Variants in TMEM135 observed in about 807,000 individuals in gnomAD.
The protein encoded by TMEM135 is transmembrane protein 135.
Under a neutral mutation model 60.3 loss-of-function variants are expected in TMEM135, and 30 were observed. The ratio of observed to expected loss-of-function variants is 0.50; its 90% CI spans 0.37 to 0.68. The LOEUF is 0.68. Among genes scored for constraint, TMEM135 ranks in the 30% least tolerant of loss-of-function variants. The pLI, the probability that TMEM135 is intolerant of heterozygous loss-of-function variation, is 0.00. For synonymous variants in TMEM135, 190 were observed against 186.7 expected (o/e 1.02, Z -0.14); for missense variants, 468 against 548.8 (o/e 0.85, Z 1.47).
intron 6 of TMEM135, among the ~76,000 whole-genome samples, chr11:87,252,661 C>G (rs983142174): frequency 2.6e-5 from 4 of 151,682 alleles, no homozygotes; most frequent in African/African-American, 2.4e-5. Flanking sequence ...ATCCCAGCTA[C>G]TTGGGTGGCT....
chr11:87,180,653 T>G (rs1939492026), intron 5 of TMEM135, among the ~76,000 whole-genome samples: 1 of 152,172 alleles, frequency 6.6e-6, no homozygotes, highest in Non-Finnish European at 1.5e-5. Flanking sequence ...AGATTGGCTT[T>G]TAGGTGACAC....
chr11:87,105,406 G>C (rs1016009043), intron 4 of TMEM135, among the ~76,000 whole-genome samples: 1 of 152,138 alleles, frequency 6.6e-6, no homozygotes, highest in Non-Finnish European at 1.5e-5. Context: ...GATGATCTGA[G>C]GTGGAACAGT....
Position 87,302,324 on chromosome 11 carries a change from A to G in TMEM135, c.580A>G (p.Thr194Ala), listed in dbSNP as rs147367412. ...CATTGTAGGGAAGGAAGAAATTCCC[A>G]CACATTCTTTTTCACCAGAGGCAGC... ...RFIVGKEEIP[T>A]HSFSPEAAYA... The change falls in exon 8 of 15, where the codon ACA becomes GCA. Residue 194 changes from threonine to alanine, a missense_variant. Coordinates refer to ENST00000305494, the MANE Select transcript of TMEM135 (RefSeq NM_022918.4). The G allele has an allele frequency of 3.0e-4, 479 of 1,613,658 alleles. No homozygotes were observed. Among genetic ancestry groups the G allele is most frequent in the Non-Finnish European group, 3.7e-4 (434 of 1,179,906 alleles).
intron 4 of TMEM135, among the ~76,000 whole-genome samples, chr11:87,102,682 A>G (rs994460649): frequency 3.5e-5 from 5 of 142,188 alleles, no homozygotes; most frequent in Non-Finnish European, 7.5e-5. Context: ...TTTGATATAT[A>G]TATGTGTGTG....
Position 87,149,883 on chromosome 11 carries a change from G to GT in TMEM135, c.397-7452dup, listed in dbSNP as rs563399116. Among the ~76,000 whole-genome samples, 55 of 152,268 alleles carry GT rather than the reference G, an allele frequency of 3.6e-4. No individual in the cohort carries two copies. In the East Asian group the frequency reaches 0.01, roughly 28 times the overall value. On this transcript the variant is annotated intron_variant, in intron 4 of 14. Coordinates refer to ENST00000305494, the MANE Select transcript of TMEM135 (RefSeq NM_022918.4). ...GACACTGTTGATTACTTCTATAATA[G>GT]TTTTTTCAAAATGTAATTAAATATT...
intron 6 of TMEM135, among the ~76,000 whole-genome samples, chr11:87,242,088 G>A (rs1160268536): frequency 6.6e-6 from 1 of 151,026 alleles, no homozygotes; most frequent in Non-Finnish European, 1.5e-5. Flanking sequence ...ACCTATGAGT[G>A]AGAACATGCG....
intron 6 of TMEM135, among the ~76,000 whole-genome samples, chr11:87,288,255 C>T (rs963389395): frequency 5.3e-5 from 8 of 152,074 alleles, no homozygotes; most frequent in African/African-American, 1.4e-4. Flanking sequence ...TTATGTATAT[C>T]GAATTGCTTC....
intron 4 of TMEM135, among the ~76,000 whole-genome samples, chr11:87,092,535 T>C (rs1022698212): frequency 6.6e-6 from 1 of 152,144 alleles, no homozygotes; most frequent in Non-Finnish European, 1.5e-5. Flanking sequence ...TTTAAAATAC[T>C]CCAGAAAATT....
chr11:87,102,366 G>A (rs1166180597), intron 4 of TMEM135, among the ~76,000 whole-genome samples: 1 of 152,140 alleles, frequency 6.6e-6, no homozygotes, highest in Non-Finnish European at 1.5e-5. Flanking sequence ...GAAAGGTTAT[G>A]GATGAACAGC....
intron 2 of TMEM135, among the ~76,000 whole-genome samples, chr11:87,069,921 C>G (rs1278454258): frequency 6.6e-6 from 1 of 151,894 alleles, no homozygotes; most frequent in Non-Finnish European, 1.5e-5. Flanking sequence ...CCTGTTATCT[C>G]AGCACTTTGG....
rs373182270 is a variant in TMEM135, at chr11:87,089,168, C to A, written c.363-2194C>A. Among the ~76,000 whole-genome samples the A allele has an allele frequency of 9.2e-5, 14 of 152,086 alleles. No homozygotes were observed. The East Asian group carries it at 1.7e-3, about 19-fold the overall frequency. On this transcript the variant is annotated intron_variant, in intron 3 of 14. Coordinates refer to ENST00000305494, the MANE Select transcript of TMEM135 (RefSeq NM_022918.4). ...CAAATACTACAAAATACAAAAAAAT[C>A]AAAAATTGGAAACACTTCTAGTCTC...
chr11:87,067,469 A>G (rs1216877129), intron 1 of TMEM135, among the ~76,000 whole-genome samples: 2 of 152,100 alleles, frequency 1.3e-5, no homozygotes, highest in African/African-American at 2.4e-5. Context: ...AGATTATTCA[A>G]CGTATGACCC....
intron 5 of TMEM135, among the ~76,000 whole-genome samples, chr11:87,182,627 G>T (rs1200939090): frequency 6.6e-6 from 1 of 152,004 alleles, no homozygotes; most frequent in African/African-American, 2.4e-5. Flanking sequence ...ATGTCTGAAG[G>T]TACTTTCATT....
chr11:87,109,504 A>G (rs1249736685), intron 4 of TMEM135, among the ~76,000 whole-genome samples: 1 of 152,198 alleles, frequency 6.6e-6, no homozygotes, highest in East Asian at 1.9e-4. Context: ...GTTGTGAGAT[A>G]CTAAATTGCC....
intron 4 of TMEM135, among the ~76,000 whole-genome samples, chr11:87,135,347 T>C (rs1938059509): frequency 6.6e-6 from 1 of 152,142 alleles, no homozygotes; most frequent in Non-Finnish European, 1.5e-5. Flanking sequence ...TCTTACTTCA[T>C]AGTTCTAGAT....
intron 1 of TMEM135, among the ~76,000 whole-genome samples, chr11:87,062,897 A>C (rs1461597035): frequency 6.6e-6 from 1 of 152,242 alleles, no homozygotes; most frequent in Admixed American, 6.5e-5. Context: ...GATTTTTCAT[A>C]GAAATAATTG....
At chr11:87,262,553 G>A (rs896659485) in intron 6 of TMEM135, among the ~76,000 whole-genome samples, 4 of 152,018 alleles carry the variant, frequency 2.6e-5, no homozygotes, top group African/African-American at 9.7e-5. Flanking sequence ...TTATTGCTCT[G>A]ATTTGTAGGA....
At chr11:87,071,674 ATTT>A in intron 3 of TMEM135, 59 bp downstream of exon 3, 6 of 1,104,086 alleles carry the variant, frequency 5.4e-6, no homozygotes, top group Admixed American at 2.5e-5. Flanking sequence ...CCCAACTATA[ATTT>A]TTTTTTTTTT....
chr11:87,149,256 C>T (rs1226026666), intron 4 of TMEM135, among the ~76,000 whole-genome samples: 1 of 152,122 alleles, frequency 6.6e-6, no homozygotes, highest in Admixed American at 6.5e-5. Flanking sequence ...GGATTTGCAA[C>T]AACAAAGATC....
Sources: gnomAD v4.1 joint callset for allele counts (sites outside exome capture counted in the v4.1 genomes callset) on GRCh38, gnomAD v4.1.1 for gene constraint, MANE v1.5 for transcripts, NCBI Gene and HGNC (gene_info 2026-07-23, HGNC 2026-07-21) for gene names.